The following KIAA0825 variants were observed in gnomAD, a reference collection of about 807,000 sequenced individuals.
KIAA0825 encodes KIAA0825.
In KIAA0825, 119 loss-of-function variants were observed where a neutral mutation model predicts 147.6. That is an observed-to-expected ratio of 0.81 (90% CI 0.69 to 0.94). The LOEUF is 0.94. Ranked by LOEUF, KIAA0825 falls within the 40% of genes least tolerant of loss-of-function variation. KIAA0825 has a pLI of 0.00. For synonymous variants in KIAA0825, 470 were observed against 518.1 expected (o/e 0.91, Z 1.26); for missense variants, 1,381 against 1,472.7 (o/e 0.94, Z 1.02).
At chr5:94,180,802 A>C (rs562684861) in intron 20 of KIAA0825, among the ~76,000 whole-genome samples, 1 of 152,202 alleles carries the variant, frequency 6.6e-6, no homozygotes, top group East Asian at 1.9e-4. Context: ...AGAGTACTCA[A>C]ATATTTTTGT....
chr5:94,248,475 T>C (rs1775746741), intron 20 of KIAA0825, among the ~76,000 whole-genome samples: 2 of 152,134 alleles, frequency 1.3e-5, no homozygotes, highest in Admixed American at 6.6e-5. Context: ...GGAAAGGTCA[T>C]CAGTGAATAA....
chr5:94,608,128 T>C (rs973654334), intron 1 of KIAA0825, among the ~76,000 whole-genome samples: 2 of 151,964 alleles, frequency 1.3e-5, no homozygotes, highest in African/African-American at 2.4e-5. Context: ...AGGATGTAGG[T>C]ATCTCATGGG....
intron 20 of KIAA0825, among the ~76,000 whole-genome samples, chr5:94,382,237 C>T (rs1424930561): frequency 6.6e-6 from 1 of 152,142 alleles, no homozygotes; most frequent in Non-Finnish European, 1.5e-5. Flanking sequence ...GCATATATAA[C>T]TTTCATTTTA....
In KIAA0825 at chr5:94,286,021, A is replaced by C. The variant is rs533962172; in HGVS notation, c.3710+98347T>G. On this transcript the variant is annotated intron_variant, in intron 20 of 20. Coordinates refer to ENST00000682413, the MANE Select transcript of KIAA0825 (RefSeq NM_001145678.3). ...TTCAGAAAGCAATGATGAAAACTAT[A>C]ATCAAATTCTGCTACCTGAGTGGCA... Among the ~76,000 whole-genome samples, 9 of 152,310 alleles carry C rather than the reference A, an allele frequency of 5.9e-5. 1 individual carries two copies. The highest frequency in any genetic ancestry group is 5.2e-4 in the Admixed American group (8 of 15,292).
rs369254434 is a variant in KIAA0825, at chr5:94,350,766, A to G, written c.3710+33602T>C. Among the ~76,000 whole-genome samples, 41 of 152,318 alleles carry G rather than the reference A, an allele frequency of 2.7e-4. 1 individual carries two copies. In the South Asian group the frequency reaches 8.3e-3, roughly 31 times the overall value. The stretch of plus-strand genomic sequence containing the variant: ...AAACTCTCAGCAAAATCAGCATACA[A>G]GGGACATACCTTAATGTAATAAAAG... On this transcript the variant is annotated intron_variant, in intron 20 of 20. Coordinates refer to ENST00000682413, the MANE Select transcript of KIAA0825 (RefSeq NM_001145678.3).
chr5:94,458,486 C>G (rs1347839647), intron 12 of KIAA0825, among the ~76,000 whole-genome samples: 2 of 152,236 alleles, frequency 1.3e-5, no homozygotes, highest in East Asian at 3.9e-4. Flanking sequence ...AAGACTGGAC[C>G]TTGGGGTACA....
chr5:94,441,630 T>C (rs1757096548), intron 13 of KIAA0825, among the ~76,000 whole-genome samples: 1 of 152,138 alleles, frequency 6.6e-6, no homozygotes, highest in African/African-American at 2.4e-5. Context: ...CTGACCTCTT[T>C]CTGCATGAGG....
intron 20 of KIAA0825, among the ~76,000 whole-genome samples, chr5:94,358,390 G>A (rs554307219): frequency 1.1e-3 from 171 of 152,288 alleles, no homozygotes; most frequent in South Asian, 4.1e-3. Flanking sequence ...CAAAGTGGTG[G>A]GAAGTTAAGG....
intron 20 of KIAA0825, among the ~76,000 whole-genome samples, chr5:94,354,492 C>T (rs1363979426): frequency 6.6e-6 from 1 of 151,880 alleles, no homozygotes; most frequent in Non-Finnish European, 1.5e-5. Flanking sequence ...TCATTTCTAT[C>T]TCCTTTTTGA....
chr5:94,506,788 G>C (rs181540775), intron 5 of KIAA0825, among the ~76,000 whole-genome samples: 79 of 152,258 alleles, frequency 5.2e-4, no homozygotes, highest in Non-Finnish European at 1.0e-3. Flanking sequence ...TCTATCTTTG[G>C]ATAGAATATA....
chr5:94,519,671 T>C, intron 5 of KIAA0825: 1 of 665,020 alleles, frequency 1.5e-6, no homozygotes, highest in African/African-American at 2.0e-5. Context: ...TATTTCATAG[T>C]TGCTCATTAT....
chr5:94,183,920 T>C (rs928439544), intron 20 of KIAA0825, among the ~76,000 whole-genome samples: 1 of 152,202 alleles, frequency 6.6e-6, no homozygotes, highest in Non-Finnish European at 1.5e-5. Context: ...TAGCAAATTA[T>C]CAAACCTGAA....
intron 13 of KIAA0825, among the ~76,000 whole-genome samples, chr5:94,449,569 A>C (rs1758135618): frequency 6.6e-6 from 1 of 152,172 alleles, no homozygotes; most frequent in Non-Finnish European, 1.5e-5. Context: ...ATGAAGGACA[A>C]GGGAAGAAGG....
At chr5:94,383,449 CA>C (rs1039830787) in intron 20 of KIAA0825, among the ~76,000 whole-genome samples, 1 of 151,230 alleles carries the variant, frequency 6.6e-6, no homozygotes, top group African/African-American at 2.4e-5. Context: ...TATTTTCTTT[CA>C]AAAAAAAGAT....
At chr5:94,273,908 G>GA (rs975292637) in intron 20 of KIAA0825, among the ~76,000 whole-genome samples, 3 of 151,946 alleles carry the variant, frequency 2.0e-5, no homozygotes, top group Non-Finnish European at 2.9e-5. Context: ...TATACAAGGA[G>GA]AAAAAAATAT....
At chr5:94,431,146 T>TA (rs1453074346) in intron 14 of KIAA0825, among the ~76,000 whole-genome samples, 3 of 151,830 alleles carry the variant, frequency 2.0e-5, no homozygotes, top group Admixed American at 6.6e-5. Context: ...GCATTCAGTA[T>TA]AAAAAAAATG....
At chr5:94,595,650 A>G (rs1414137522) in intron 1 of KIAA0825, among the ~76,000 whole-genome samples, 1 of 152,204 alleles carries the variant, frequency 6.6e-6, no homozygotes, top group African/African-American at 2.4e-5. Flanking sequence ...TCTCCTCAGA[A>G]AATGCATTTT....
chr5:94,388,260 T>C (rs1268984750), intron 18 of KIAA0825, among the ~76,000 whole-genome samples: 1 of 152,160 alleles, frequency 6.6e-6, no homozygotes, highest in Non-Finnish European at 1.5e-5. Flanking sequence ...CAGGTGGTAA[T>C]GCACACTATC....
chr5:94,582,906 G>T (rs1436429751), intron 1 of KIAA0825, among the ~76,000 whole-genome samples: 2 of 152,120 alleles, frequency 1.3e-5, no homozygotes, highest in African/African-American at 2.4e-5. Context: ...GTAACGTGTG[G>T]TTGCACCATA....
Sources: gnomAD v4.1 joint callset for allele counts (sites outside exome capture counted in the v4.1 genomes callset) on GRCh38, gnomAD v4.1.1 for gene constraint, MANE v1.5 for transcripts, NCBI Gene and HGNC (gene_info 2026-07-23, HGNC 2026-07-21) for gene names.